Variants in GNAL observed in about 807,000 individuals in gnomAD.
GNAL encodes the protein guanine nucleotide-binding protein G(olf) subunit alpha.
GNAL carries 18 observed loss-of-function variants against 55.1 expected under a neutral mutation model. The observed-to-expected ratio is 0.33, with a 90% confidence interval of 0.23 to 0.48. GNAL has a LOEUF of 0.48. Among genes scored for constraint, GNAL ranks in the 20% least tolerant of loss-of-function variants. The pLI is 0.99. For synonymous variants in GNAL, 253 were observed against 237.0 expected (o/e 1.07, Z -0.62); for missense variants, 412 against 614.1 (o/e 0.67, Z 3.48).
intron 1 of GNAL, among the ~76,000 whole-genome samples, chr18:11,732,057 A>G (rs2032351300): frequency 6.6e-6 from 1 of 152,182 alleles, no homozygotes; most frequent in Non-Finnish European, 1.5e-5. Context: ...TCATATAGGT[A>G]TACCATATTT....
At chr18:11,745,499 A>T (rs1168854279) in intron 1 of GNAL, 1 of 152,350 alleles carries the variant, frequency 6.6e-6, no homozygotes, top group Non-Finnish European at 1.5e-5. Context: ...ATGCACTAAG[A>T]CTTCTGAGAT....
At position 11,881,006 on chromosome 18, in the gene GNAL, C is replaced by T. The variant is rs760866698; in HGVS notation, c.1248C>T (p.Thr416=). 4.5e-5 allele frequency: 72 copies of T among 1,613,944 alleles called. No individual in the cohort carries two copies. The South Asian group carries it at 5.7e-4, about 13-fold the overall frequency. ...TCTTGCAGAGGATCAGCACGGCCAC[C>T]GGTGACGGCAAACATTACTGCTACC... ...RDLFLRISTA[T]GDGKHYCYPH... The change falls in exon 12 of 12, where the codon ACC becomes ACT. Residue 416 remains threonine, a synonymous_variant. Transcript: ENST00000334049. The surrounding 1 kb of genome is among the most constrained non-coding windows in gnomAD (Gnocchi z 4.8).
intron 1 of GNAL, among the ~76,000 whole-genome samples, chr18:11,716,625 A>G (rs1292215453): frequency 6.6e-6 from 1 of 152,164 alleles, no homozygotes; most frequent in Non-Finnish European, 1.5e-5. Flanking sequence ...TGAGCTAGAC[A>G]CAAAGGTTCT....
chr18:11,774,745 G>A (rs1437400267), intron 4 of GNAL, among the ~76,000 whole-genome samples: 1 of 152,174 alleles, frequency 6.6e-6, no homozygotes, highest in Non-Finnish European at 1.5e-5. Flanking sequence ...ACCTTTCTGG[G>A]TTTAAGAATC....
At chr18:11,861,796 G>A (rs745667632) in intron 5 of GNAL, among the ~76,000 whole-genome samples, 35 of 152,286 alleles carry the variant, frequency 2.3e-4, no homozygotes, top group Middle Eastern at 3.4e-3. Flanking sequence ...AACAGGCGTC[G>A]CCAGGTTTGC....
At chr18:11,863,365 A>G (rs956736686) in intron 6 of GNAL, among the ~76,000 whole-genome samples, 1 of 152,128 alleles carries the variant, frequency 6.6e-6, no homozygotes, top group Non-Finnish European at 1.5e-5. Context: ...AACTTCCCCC[A>G]GAGTCTGTAT....
chr18:11,755,304 G>T (rs1041056880), intron 4 of GNAL, among the ~76,000 whole-genome samples: 110 of 152,218 alleles, frequency 7.2e-4, no homozygotes, highest in African/African-American at 2.6e-3. Context: ...TTTTGAGATG[G>T]AGTCTCTCTC....
intron 1 of GNAL, among the ~76,000 whole-genome samples, chr18:11,695,728 A>G (rs1438244510): frequency 6.6e-6 from 1 of 151,650 alleles, no homozygotes. Flanking sequence ...TCCTTTTTTC[A>G]ATTATTTCTT....
chr18:11,707,923 T>C (rs1318871344), intron 1 of GNAL, among the ~76,000 whole-genome samples: 1 of 152,240 alleles, frequency 6.6e-6, no homozygotes, highest in Non-Finnish European at 1.5e-5. Context: ...TTCTGCAGCT[T>C]CCTCGCCTCT....
At chr18:11,865,052 C>T (rs2036230071) in intron 7 of GNAL, among the ~76,000 whole-genome samples, 2 of 152,174 alleles carry the variant, frequency 1.3e-5, no homozygotes, top group Non-Finnish European at 2.9e-5. Context: ...AAGCTCTTTT[C>T]CATCCTCATA....
intron 11 of GNAL, 43 bp from the exon 12 acceptor site, chr18:11,880,946 T>G: frequency 6.3e-7 from 1 of 1,593,182 alleles, no homozygotes. Context: ...CCAGAGTACA[T>G]GCTGGGGCCG....
intron 4 of GNAL, among the ~76,000 whole-genome samples, chr18:11,790,456 T>G (rs1263464640): frequency 6.6e-6 from 1 of 152,168 alleles, no homozygotes; most frequent in African/African-American, 2.4e-5. Flanking sequence ...AAGATGGACT[T>G]CATTTTTAAT....
At chr18:11,694,944 GTCTCTTCC>G (rs2031362935) in intron 1 of GNAL, among the ~76,000 whole-genome samples, 1 of 152,116 alleles carries the variant, frequency 6.6e-6, no homozygotes. Flanking sequence ...GATCTCCGGT[GTCTCTTCC>G]TCTTCTTACG....
chr18:11,754,527 G>GC (rs1568011705), intron 4 of GNAL, among the ~76,000 whole-genome samples: 1 of 152,124 alleles, frequency 6.6e-6, no homozygotes, highest in Non-Finnish European at 1.5e-5. Context: ...TACTGATGGT[G>GC]CTTTTTTTCC....
Position 11,824,993 on chromosome 18 carries a change from C to G in GNAL, c.700C>G (p.Gln234Glu). 6.3e-7 allele frequency: 1 copy of G among 1,596,870 alleles called. No individual in the cohort carries two copies. Among genetic ancestry groups the G allele is most frequent in the Non-Finnish European group, 8.6e-7 (1 of 1,165,602 alleles). ...ATGCTTTGAGAGATCCAACGAATACCAGCTGATTGACTGTGCACAATAGTA... is the reference window on the plus strand; with the variant it reads ...ATGCTTTGAGAGATCCAACGAATACGAGCTGATTGACTGTGCACAATAGTA... The part of the protein sequence containing the change: ...KACFERSNEY[Q>E]LIDCAQYFLE... The change falls in exon 5 of 12, where the codon CAG becomes GAG. Residue 234 changes from glutamine to glutamate, a missense_variant. Coordinates refer to ENST00000334049, the MANE Select transcript of GNAL (RefSeq NM_182978.4).
At chr18:11,771,082 G>T (rs570400860) in intron 4 of GNAL, among the ~76,000 whole-genome samples, 2 of 152,106 alleles carry the variant, frequency 1.3e-5, no homozygotes, top group East Asian at 3.9e-4. Context: ...GCCAGGCGTG[G>T]TGGCAGGCCT....
intron 1 of GNAL, among the ~76,000 whole-genome samples, chr18:11,736,643 A>G (rs2032469273): frequency 6.6e-6 from 1 of 152,202 alleles, no homozygotes; most frequent in African/African-American, 2.4e-5. Flanking sequence ...CATGAAGAAC[A>G]ACCTTCACAA....
At chr18:11,759,376 A>G (rs556241333) in intron 4 of GNAL, among the ~76,000 whole-genome samples, 1 of 152,228 alleles carries the variant, frequency 6.6e-6, no homozygotes, top group Non-Finnish European at 1.5e-5. Context: ...GGGGAAGAGG[A>G]TAAATCAGGC....
intron 4 of GNAL, among the ~76,000 whole-genome samples, chr18:11,776,288 A>G (rs2033781301): frequency 6.6e-6 from 1 of 152,250 alleles, no homozygotes; most frequent in Non-Finnish European, 1.5e-5. Flanking sequence ...CTTGCTTATT[A>G]GAAAAAAGAG....
Sources: gnomAD v4.1 joint callset for allele counts (sites outside exome capture counted in the v4.1 genomes callset) on GRCh38, gnomAD v4.1.1 for gene constraint, Gnocchi (gnomAD v3.1) non-coding constraint, MANE v1.5 for transcripts, NCBI Gene and HGNC (gene_info 2026-07-23, HGNC 2026-07-21) for gene names.